Variants in SLCO5A1 observed in about 807,000 individuals in gnomAD.
SLCO5A1 encodes solute carrier organic anion transporter family member 5A1, also known as organic anion transporter polypeptide-related protein 4.
In SLCO5A1, 39 loss-of-function variants were observed where a neutral mutation model predicts 65.1. The observed-to-expected ratio is 0.60, with a 90% CI of 0.46 to 0.78. The LOEUF is 0.78. Among genes scored for constraint, SLCO5A1 ranks in the 30% least tolerant of loss-of-function variants. SLCO5A1 has a pLI of 0.00. For synonymous variants in SLCO5A1, 438 were observed against 415.7 expected (o/e 1.05, Z -0.65); for missense variants, 1,029 against 1,069.4 (o/e 0.96, Z 0.53).
chr8:69,761,668 T>C, intron 3 of SLCO5A1, 75 bp downstream of exon 3: 1 of 1,525,840 alleles, frequency 6.6e-7, no homozygotes, highest in Non-Finnish European at 8.8e-7. Flanking sequence ...TGGAAAAATT[T>C]TAAATACAAG....
chr8:69,805,544 A>C (rs1236764336), intron 2 of SLCO5A1, among the ~76,000 whole-genome samples: 4 of 152,350 alleles, frequency 2.6e-5, no homozygotes, highest in Admixed American at 1.3e-4. Context: ...GGCAGAGGGC[A>C]AAGATACAAT....
At position 69,668,184 on chromosome 8, in the gene SLCO5A1, G is replaced by T. The variant is rs908762375; in HGVS notation, c.*4685C>A. The T allele has an allele frequency of 3.3e-5, 5 of 152,136 alleles. No individual in the cohort carries two copies. The highest frequency in any genetic ancestry group is 7.3e-5 in the Non-Finnish European group (5 of 68,032). 9.4% of individuals were successfully genotyped at this position (152,136 alleles called of 1,614,324 possible). On this transcript the variant is annotated 3_prime_UTR_variant, in exon 10 of 10. Coordinates refer to ENST00000260126, the MANE Select transcript of SLCO5A1 (RefSeq NM_030958.3). ...AATAAAACCTCCTCAAACATACACA[G>T]ATCTGATTCTAATGCAACAAGAAGT...
chr8:69,682,706 G>C (rs1563658851), intron 6 of SLCO5A1, among the ~76,000 whole-genome samples: 1 of 151,964 alleles, frequency 6.6e-6, no homozygotes, highest in East Asian at 1.9e-4. Context: ...TAACAAATCT[G>C]TACCTCAATT....
Position 69,744,312 on chromosome 8 carries a change from C to T in SLCO5A1, c.1259-6108G>A, listed in dbSNP as rs149538009. On this transcript the variant is annotated intron_variant, in intron 4 of 9. Transcript: ENST00000260126. ...GAGAGCGGGCTGCTGCCTGCCCTTC[C>T]ACTCTGTAGTCCTACGGTTGCCCTG... 5.1e-3 allele frequency among the ~76,000 whole-genome samples: 780 copies of T among 152,318 alleles called. 3 individuals are homozygous for T. The highest frequency in any genetic ancestry group is 0.014 in the Middle Eastern group (4 of 294).
intron 3 of SLCO5A1, among the ~76,000 whole-genome samples, chr8:69,756,903 C>G (rs1459137147): frequency 6.6e-6 from 1 of 152,234 alleles, no homozygotes; most frequent in Non-Finnish European, 1.5e-5. Context: ...CACGTTCTAA[C>G]TATGATTCCT....
At chr8:69,679,125 GT>G (rs1563656342) in intron 8 of SLCO5A1, among the ~76,000 whole-genome samples, 5 of 151,712 alleles carry the variant, frequency 3.3e-5, no homozygotes, top group African/African-American at 1.2e-4. Flanking sequence ...ATCAAAAGAC[GT>G]TTCATTATAC....
At chr8:69,770,349 C>G (rs1168135325) in intron 2 of SLCO5A1, among the ~76,000 whole-genome samples, 1 of 152,152 alleles carries the variant, frequency 6.6e-6, no homozygotes, top group African/African-American at 2.4e-5. Context: ...AATCCCAATA[C>G]TTTGGGAAGC....
chr8:69,763,242 G>T (rs553315383), intron 2 of SLCO5A1, among the ~76,000 whole-genome samples: 3 of 152,000 alleles, frequency 2.0e-5, no homozygotes, highest in African/African-American at 7.2e-5. Context: ...CTGGGAGATG[G>T]AGGTTGCAGA....
chr8:69,825,013 C>T (rs1369603520), intron 2 of SLCO5A1, among the ~76,000 whole-genome samples: 1 of 151,972 alleles, frequency 6.6e-6, no homozygotes, highest in African/African-American at 2.4e-5. Flanking sequence ...ATAAACAGAA[C>T]CAAAGACAAA....
intron 2 of SLCO5A1, among the ~76,000 whole-genome samples, chr8:69,772,154 G>A (rs910339850): frequency 2.6e-5 from 4 of 152,142 alleles, no homozygotes; most frequent in African/African-American, 9.7e-5. Flanking sequence ...TGTTCCATGG[G>A]ATCACTTGCA....
chr8:69,730,316 G>T (rs953184706), intron 5 of SLCO5A1, among the ~76,000 whole-genome samples: 9 of 152,202 alleles, frequency 5.9e-5, no homozygotes, highest in African/African-American at 2.2e-4. Flanking sequence ...TGATGAATTG[G>T]TTAGTAACTA....
At chr8:69,807,754 G>A (rs961647003) in intron 2 of SLCO5A1, among the ~76,000 whole-genome samples, 3 of 152,194 alleles carry the variant, frequency 2.0e-5, no homozygotes, top group African/African-American at 7.2e-5. Context: ...CGCCCAGGCT[G>A]GAGCAGTGGT....
At chr8:69,815,958 C>A (rs1281262080) in intron 2 of SLCO5A1, among the ~76,000 whole-genome samples, 1 of 152,142 alleles carries the variant, frequency 6.6e-6, no homozygotes, top group Non-Finnish European at 1.5e-5. Context: ...CAGTTAATTT[C>A]TACTTCCTAT....
rs150615885 is a variant in SLCO5A1 at position 69,773,946 on chromosome 8, C to T, written c.908-12071G>A. ...ATGGCACCTGCCACCTGCTTCCATT[C>T]TGCTGTCACCCACCCTGCTGCAGTT... On this transcript the variant is annotated intron_variant, in intron 2 of 9. Coordinates refer to ENST00000260126, the MANE Select transcript of SLCO5A1 (RefSeq NM_030958.3). Among the ~76,000 whole-genome samples, 296 of 152,374 alleles carry T rather than the reference C, an allele frequency of 1.9e-3. 1 individual carries two copies. Among genetic ancestry groups the T allele is most frequent in the African/African-American group, 6.7e-3 (279 of 41,594 alleles).
At chr8:69,748,991 T>C (rs1817160216) in intron 4 of SLCO5A1, among the ~76,000 whole-genome samples, 1 of 152,140 alleles carries the variant, frequency 6.6e-6, no homozygotes, top group South Asian at 2.1e-4. Context: ...AGCAGCAGCT[T>C]TCAATAAAAC....
At chr8:69,675,301 A>C (rs1813504906) in intron 9 of SLCO5A1, among the ~76,000 whole-genome samples, 2 of 151,236 alleles carry the variant, frequency 1.3e-5, no homozygotes, top group South Asian at 4.2e-4. Context: ...TAGCCTCCTG[A>C]GTAGTTGGGA....
At chr8:69,803,118 A>G (rs1176190212) in intron 2 of SLCO5A1, among the ~76,000 whole-genome samples, 2 of 152,152 alleles carry the variant, frequency 1.3e-5, no homozygotes, top group East Asian at 1.9e-4. Context: ...CGTCTCTACT[A>G]AAAACACAAA....
chr8:69,806,754 T>C (rs1470592868), intron 2 of SLCO5A1, among the ~76,000 whole-genome samples: 1 of 152,210 alleles, frequency 6.6e-6, no homozygotes, highest in Non-Finnish European at 1.5e-5. Flanking sequence ...TCTCAAGGTC[T>C]TATATTTATT....
intron 6 of SLCO5A1, among the ~76,000 whole-genome samples, chr8:69,693,036 T>A (rs189388840): frequency 1.3e-5 from 2 of 152,272 alleles, no homozygotes; most frequent in African/African-American, 4.8e-5. Flanking sequence ...CCAGCATCAC[T>A]CCAAACTCAT....
Sources: allele counts gnomAD v4.1 joint callset (sites outside exome capture counted in the v4.1 genomes callset), GRCh38; gene constraint gnomAD v4.1.1; transcripts MANE v1.5; gene names NCBI Gene and HGNC (gene_info 2026-07-23, HGNC 2026-07-21).